Variants in TTC6 observed in about 807,000 individuals in gnomAD.
The protein encoded by TTC6 is tetratricopeptide repeat protein 6.
TTC6 carries 172 observed loss-of-function variants against 210.4 expected under a neutral mutation model. The ratio of observed to expected loss-of-function variants is 0.82; its 90% CI spans 0.72 to 0.93. The LOEUF is 0.93. Among genes scored for constraint, TTC6 ranks in the 40% least tolerant of loss-of-function variants. TTC6 has a pLI of 0.00. For synonymous variants in TTC6, 804 were observed against 819.6 expected (o/e 0.98, Z 0.32); for missense variants, 2,414 against 2,318.1 (o/e 1.04, Z -0.85).
chr14:37,747,494 GAA>G (rs1034350941), intron 10 of TTC6, among the ~76,000 whole-genome samples: 2 of 152,206 alleles, frequency 1.3e-5, no homozygotes, highest in African/African-American at 4.8e-5. Context: ...GAAGCTGAAA[GAA>G]AAGAGTTGTA....
At chr14:37,665,770 G>A (rs1253041866) in intron 1 of TTC6, among the ~76,000 whole-genome samples, 2 of 150,520 alleles carry the variant, frequency 1.3e-5, no homozygotes, top group South Asian at 4.2e-4. Context: ...AGCTTGTGAT[G>A]AACTGTCTGC....
At chr14:37,670,222 A>G (rs1471273061) in intron 1 of TTC6, among the ~76,000 whole-genome samples, 1 of 152,192 alleles carries the variant, frequency 6.6e-6, no homozygotes, top group African/African-American at 2.4e-5. Flanking sequence ...TGGGCTTATG[A>G]CAAGTCTTGC....
At chr14:37,785,099 C>T (rs561929209) in intron 14 of TTC6, among the ~76,000 whole-genome samples, 4 of 152,198 alleles carry the variant, frequency 2.6e-5, no homozygotes, top group African/African-American at 4.8e-5. Flanking sequence ...AATTATGTGT[C>T]TTGGAGTTGC....
At chr14:37,737,848 A>C (rs2095906215) in intron 9 of TTC6, 114 bp downstream of exon 11, 1 of 538,244 alleles carries the variant, frequency 1.9e-6, no homozygotes, top group South Asian at 3.4e-5. Flanking sequence ...TCTCTAGTCT[A>C]ATTACATATT....
Position 37,651,411 on chromosome 14 carries a change from ATATATATATATATATTTTTTTTTTTTTTT to A in TTC6, c.939+28410_939+28438del, listed in dbSNP as rs1367521565. 4.3e-3 allele frequency among the ~76,000 whole-genome samples: 113 copies of A among 26,220 alleles called. 2 individuals carry two copies. Among genetic ancestry groups the A allele is most frequent in the African/African-American group, 0.016 (108 of 6,636 alleles). 17.2% of individuals were successfully genotyped at this position (26,220 alleles called of 152,430 possible). A position where few individuals can be genotyped will look rare whatever the true frequency, so the allele number is the denominator to read the frequency against. ...GTTATATATATATATATATATATATATATATATATATATATTTTTTTTTTTTTTTTTTTTTTTTTTTTCCATCCATGATT... is the reference window on the plus strand; with the variant it reads ...GTTATATATATATATATATATATATATTTTTTTTTTTTTCCATCCATGATT... On this transcript the variant is annotated intron_variant, in intron 1 of 30. Transcript: ENST00000553443.
rs199861963 is a variant in TTC6 at position 37,715,676 on chromosome 14, A to G, written c.1713+880A>G. On this transcript the variant is annotated intron_variant, in intron 6 of 30. Transcript: ENST00000553443. ...TTTCTCATGAGAAGTGATGGAGGCC[A>G]GAAGTAAGTGACAGAACATTTTTCA... Among the ~76,000 whole-genome samples the G allele has an allele frequency of 7.9e-5, 12 of 152,328 alleles. No homozygotes were observed. The East Asian group carries it at 2.3e-3, about 29-fold the overall frequency.
At chr14:37,665,583 C>T (rs947507079) in intron 1 of TTC6, among the ~76,000 whole-genome samples, 4 of 150,292 alleles carry the variant, frequency 2.7e-5, no homozygotes, top group Admixed American at 2.0e-4. Flanking sequence ...ATCTGTGCAA[C>T]GAACCACCGT....
At chr14:37,637,014 T>C (rs1197395476) in intron 1 of TTC6, among the ~76,000 whole-genome samples, 1 of 152,112 alleles carries the variant, frequency 6.6e-6, no homozygotes, top group Non-Finnish European at 1.5e-5. Context: ...CCCAATTGAT[T>C]TGACAAAGTG....
In TTC6 at chr14:37,770,461, G is replaced by T. The variant is rs1011451865; in HGVS notation, c.3267-17007G>T. ...CTAAGTCTCTTTGTAGGTCACTCAG[G>T]ACTTGCTTTATGAATCTGGGTGCTC... is the stretch of plus-strand genomic sequence containing the variant. On this transcript the variant is annotated intron_variant, in intron 14 of 30. Coordinates refer to ENST00000553443, the Ensembl canonical transcript of TTC6. 2.2e-3 allele frequency among the ~76,000 whole-genome samples: 332 copies of T among 151,504 alleles called. 2 individuals are homozygous for T. The highest frequency in any genetic ancestry group is 7.6e-3 in the African/African-American group (313 of 41,412).
At chr14:37,817,322 G>C (rs2096144385) in intron 25 of TTC6, among the ~76,000 whole-genome samples, 1 of 152,180 alleles carries the variant, frequency 6.6e-6, no homozygotes, top group African/African-American at 2.4e-5. Flanking sequence ...TTCTTGAGTA[G>C]AGACCAGTAG....
At chr14:37,669,502 A>T (rs895768709) in intron 1 of TTC6, among the ~76,000 whole-genome samples, 1 of 152,144 alleles carries the variant, frequency 6.6e-6, no homozygotes, top group Non-Finnish European at 1.5e-5. Flanking sequence ...TTCTATTCTA[A>T]ATATAATATT....
intron 26 of TTC6, among the ~76,000 whole-genome samples, chr14:37,819,056 C>T (rs1054475524): frequency 1.1e-4 from 16 of 152,174 alleles, no homozygotes; most frequent in Non-Finnish European, 1.6e-4. Context: ...GGAGAGCCTC[C>T]TTAAGCTGAT....
intron 28 of TTC6, among the ~76,000 whole-genome samples, chr14:37,826,604 A>G (rs1340284090): frequency 6.6e-6 from 1 of 152,140 alleles, no homozygotes; most frequent in Non-Finnish European, 1.5e-5. Flanking sequence ...TTCATGGGAC[A>G]TCAATATTAT....
At chr14:37,648,489 T>C (rs1216938938) in intron 1 of TTC6, among the ~76,000 whole-genome samples, 1 of 152,204 alleles carries the variant, frequency 6.6e-6, no homozygotes, top group Non-Finnish European at 1.5e-5. Flanking sequence ...TTTGTCTTCA[T>C]AGGTGAGATT....
Position 37,780,390 on chromosome 14 carries a change from C to T in TTC6, c.3267-7078C>T, listed in dbSNP as rs561331328. Among the ~76,000 whole-genome samples, 9 of 152,252 alleles carry T rather than the reference C, an allele frequency of 5.9e-5. No homozygotes were observed. In the South Asian group the frequency reaches 1.2e-3, roughly 21 times the overall value. On this transcript the variant is annotated intron_variant, in intron 14 of 30. Coordinates refer to ENST00000553443, the Ensembl canonical transcript of TTC6. The stretch of plus-strand genomic sequence containing the variant: ...TATCCATTAGCGATTCTTCCTGATG[C>T]TATCCCTCCCCTCACCCCTCTTCTG...
chr14:37,692,052 A>C (rs1427246607), intron 3 of TTC6, among the ~76,000 whole-genome samples: 2 of 151,884 alleles, frequency 1.3e-5, no homozygotes, highest in East Asian at 3.9e-4. Flanking sequence ...CTCCCAGTAA[A>C]GAAAAGCCTG....
At chr14:37,756,364 G>A (rs1435139106) in intron 14 of TTC6, among the ~76,000 whole-genome samples, 1 of 152,084 alleles carries the variant, frequency 6.6e-6, no homozygotes, top group African/African-American at 2.4e-5. Flanking sequence ...TGATTTCACT[G>A]GCCAGAACTT....
chr14:37,787,509 A>G, exon 15 of TTC6: 1 of 1,529,884 alleles, frequency 6.5e-7, no homozygotes, highest in Non-Finnish European at 8.7e-7. Context: ...AAATTTTATA[A>G]AGAAGCAACT....
chr14:37,732,719 C>T (rs1307315403), intron 7 of TTC6, among the ~76,000 whole-genome samples: 5 of 151,750 alleles, frequency 3.3e-5, no homozygotes, highest in African/African-American at 9.7e-5. Context: ...CCTGGGTTCA[C>T]GCCATTCTCT....
Sources: gnomAD v4.1 joint callset for allele counts (sites outside exome capture counted in the v4.1 genomes callset) on GRCh38, gnomAD v4.1.1 for gene constraint, MANE v1.5 for transcripts, NCBI Gene and HGNC (gene_info 2026-07-23, HGNC 2026-07-21) for gene names.